The following PIK3R6 variants were observed in gnomAD, a reference collection of about 807,000 sequenced individuals.
PIK3R6 encodes phosphoinositide 3-kinase regulatory subunit 6.
A neutral mutation model predicts 84.9 loss-of-function variants in PIK3R6; 91 were observed. That is an observed-to-expected ratio of 1.07 (90% CI 0.90 to 1.28). The LOEUF (loss-of-function observed/expected upper bound fraction) is 1.28. Ranked by LOEUF, PIK3R6 falls within the 50% of genes most tolerant of loss-of-function variation. The pLI is 0.00. For synonymous variants in PIK3R6, 416 were observed against 411.4 expected (o/e 1.01, Z -0.13); for missense variants, 996 against 985.1 (o/e 1.01, Z -0.15).
intron 14 of PIK3R6, 38 bp downstream of exon 14, chr17:8,823,349 G>T: frequency 6.9e-7 from 1 of 1,448,846 alleles, no homozygotes; most frequent in Non-Finnish European, 9.6e-7. Context: ...AATCGGTGGG[G>T]TCCTGGGGTC....
At position 8,867,553 on chromosome 17, in the gene PIK3R6, C is replaced by T. The variant is rs761514744; in HGVS notation, c.-116G>A. On this transcript the variant is annotated 5_prime_UTR_variant, in exon 1 of 20. Transcript: ENST00000619866. ...CCTTGGTTCGGTGGCAGCTTCTGGG[C>T]TCCCCAAGTCCTTCAGCCAACTCCC... is the stretch of plus-strand genomic sequence containing the variant. The T allele has an allele frequency of 1.0e-5, 5 of 493,672 alleles. No homozygotes were observed. The highest frequency in any genetic ancestry group is 1.9e-5 in the African/African-American group (1 of 51,398). 30.6% of individuals were successfully genotyped at this position (493,672 alleles called of 1,614,324 possible).
At chr17:8,832,855 T>C (rs2088300613) in intron 9 of PIK3R6, 34 bp downstream of exon 9, 1 of 1,611,548 alleles carries the variant, frequency 6.2e-7, no homozygotes, top group Admixed American at 1.7e-5. Flanking sequence ...CCCGCGGGAC[T>C]CTTGCCAAGG....
chr17:8,841,905 G>T (rs1289817885), intron 2 of PIK3R6, among the ~76,000 whole-genome samples: 1 of 152,156 alleles, frequency 6.6e-6, no homozygotes, highest in East Asian at 1.9e-4. Context: ...TGGACGTGGG[G>T]CCTAATGGGA....
chr17:8,828,483 C>T (rs954530505), intron 11 of PIK3R6, 84 bp downstream of exon 11: 15 of 1,506,898 alleles, frequency 1.0e-5, no homozygotes, highest in Non-Finnish European at 8.9e-6. Context: ...TCTCTTGCCA[C>T]CCTGTGATCC....
At chr17:8,819,248 G>T (rs774699486) in intron 17 of PIK3R6, 50 bp from the exon 18 acceptor site, 1 of 1,363,774 alleles carries the variant, frequency 7.3e-7, no homozygotes, top group Admixed American at 2.1e-5. Flanking sequence ...AAGTAGGGGA[G>T]TTTGATATTC....
At chr17:8,830,455 G>A (rs139125642) in intron 9 of PIK3R6, among the ~76,000 whole-genome samples, 9 of 152,260 alleles carry the variant, frequency 5.9e-5, no homozygotes, top group East Asian at 1.9e-4. Context: ...ATTTGGCTCC[G>A]TATTCCCGTT....
Position 8,853,484 on chromosome 17 carries a change from CAAA to C in PIK3R6, c.-91-3602_-91-3600del, listed in dbSNP as rs56939877. Among the ~76,000 whole-genome samples the C allele has an allele frequency of 8.0e-3, 833 of 104,442 alleles. 14 individuals are homozygous for C. Among genetic ancestry groups the C allele is most frequent in the African/African-American group, 0.027 (780 of 29,282 alleles). 68.5% of individuals were successfully genotyped at this position (104,442 alleles called of 152,430 possible). A position where few individuals can be genotyped will look rare whatever the true frequency, so the allele number is the denominator to read the frequency against. On this transcript the variant is annotated intron_variant, in intron 1 of 19. Transcript: ENST00000619866. ...TGGGTGACAGAGCAAGACTCCATCT[CAAA>C]AAAAAAAAAAAATAATAATAATAAT...
intron 18 of PIK3R6, among the ~76,000 whole-genome samples, chr17:8,810,472 A>G (rs1468960563): frequency 2.0e-5 from 3 of 148,150 alleles, no homozygotes; most frequent in Non-Finnish European, 4.4e-5. Context: ...GTCTTAACTC[A>G]TTTCAGCATT....
At chr17:8,832,570 T>G (rs914253001) in intron 9 of PIK3R6, among the ~76,000 whole-genome samples, 5 of 136,692 alleles carry the variant, frequency 3.7e-5, no homozygotes, top group Non-Finnish European at 8.0e-5. Flanking sequence ...TTTTTGAGAC[T>G]AAACCCTCTA....
At chr17:8,867,482 T>G (rs1317528302) in intron 1 of PIK3R6, 47 bp downstream of exon 1, 1 of 358,672 alleles carries the variant, frequency 2.8e-6, no homozygotes, top group Non-Finnish European at 5.8e-6. Flanking sequence ...CTATCTGTTC[T>G]GCTCAGATCT....
intron 13 of PIK3R6, among the ~76,000 whole-genome samples, chr17:8,825,541 C>T (rs1334925417): frequency 6.6e-6 from 1 of 152,144 alleles, no homozygotes; most frequent in East Asian, 1.9e-4. Context: ...GTATCATGTA[C>T]TAAATACAAG....
chr17:8,835,261 C>A lies in PIK3R6; in HGVS notation c.645+12G>T, dbSNP rs778687991. 1.3e-6 allele frequency: 2 copies of A among 1,516,510 alleles called. No homozygotes were observed. Among genetic ancestry groups the A allele is most frequent in the Admixed American group, 2.0e-5 (1 of 51,068 alleles). The allele number at this position is 1,516,510 out of a possible 1,614,324, so 93.9% of individuals were successfully genotyped here. ...GCTGGGACTGACAAGGGGCTGCAGG[C>A]AGGGCCATTACCTGCAGCTTCCTGT... On this transcript the variant is annotated intron_variant, in intron 8 of 19. Coordinates refer to ENST00000619866, the MANE Select transcript of PIK3R6 (RefSeq NM_001010855.4).
Position 8,819,697 on chromosome 17 carries a change from C to T in PIK3R6, c.1880-499G>A, listed in dbSNP as rs1293353923. Among the ~76,000 whole-genome samples the T allele has an allele frequency of 8.4e-3, 1,170 of 138,554 alleles. 21 individuals carry two copies. Among genetic ancestry groups the T allele is most frequent in the African/African-American group, 0.031 (1,100 of 35,920 alleles). The allele number at this position is 138,554 out of a possible 152,430, so 90.9% of individuals were successfully genotyped here. ...ATATATATATATATATATACACACA[C>T]ACACACACACATATATATACATATA... is the stretch of plus-strand genomic sequence containing the variant. On this transcript the variant is annotated intron_variant, in intron 17 of 19. Transcript: ENST00000619866.
chr17:8,832,999 G>A lies in PIK3R6; in HGVS notation c.692C>T (p.Ala231Val), dbSNP rs760914627. ...CTCGCTGGCCATCTGCTCCAAGGCG[G>A]CCACCACGGCGTGGAAATAGTGCTC... Reference protein sequence around the residue: ...TLEHYFHAVVAALEQMASEAS... With the variant: ...TLEHYFHAVVVALEQMASEAS... The change falls in exon 9 of 20, where the codon GCC becomes GTC. Residue 231 changes from alanine (A) to valine (V), a missense_variant. Coordinates refer to ENST00000619866, the MANE Select transcript of PIK3R6 (RefSeq NM_001010855.4). 1 of 1,610,396 alleles carries A rather than the reference G, an allele frequency of 6.2e-7. No individual in the cohort carries two copies. The highest frequency in any genetic ancestry group is 1.7e-5 in the Admixed American group (1 of 59,890).
At position 8,819,184 on chromosome 17, in the gene PIK3R6, G is replaced by A; in HGVS notation, c.1894C>T (p.His632Tyr). The change falls in exon 18 of 20, where the codon CAT becomes TAT. Residue 632 changes from histidine to tyrosine, a missense_variant. Physicochemically the swap from His to Tyr is moderately conservative, Grantham distance 83. Coordinates refer to ENST00000619866, the MANE Select transcript of PIK3R6 (RefSeq NM_001010855.4). ...ACAGGAGCAGCAGGCAGGGGGCAAT[G>A]GCTAGACCCTGAAACTGAATGAGAT... ...ASDTEVSGSS[H>Y]CPLPAAPVTD... 6.2e-7 allele frequency: 1 copy of A among 1,607,324 alleles called. No homozygotes were observed. Among genetic ancestry groups the A allele is most frequent in the East Asian group, 2.2e-5 (1 of 44,808 alleles).
chr17:8,845,865 G>A (rs987546328), intron 2 of PIK3R6, among the ~76,000 whole-genome samples: 1 of 152,042 alleles, frequency 6.6e-6, no homozygotes, highest in South Asian at 2.1e-4. Flanking sequence ...TAAACCTGGG[G>A]GGTGGAGATT....
intron 1 of PIK3R6, among the ~76,000 whole-genome samples, chr17:8,861,024 G>A (rs1256151153): frequency 2.0e-5 from 3 of 151,936 alleles, no homozygotes; most frequent in Admixed American, 6.6e-5. Flanking sequence ...GTGAAACCCC[G>A]TCTCTACTAA....
At chr17:8,816,268 C>T (rs2087537185) in intron 18 of PIK3R6, among the ~76,000 whole-genome samples, 2 of 152,142 alleles carry the variant, frequency 1.3e-5, no homozygotes, top group African/African-American at 4.8e-5. Flanking sequence ...ATTAAACAGG[C>T]ATGCCATTTT....
intron 12 of PIK3R6, among the ~76,000 whole-genome samples, chr17:8,827,516 C>T (rs1003205538): frequency 2.0e-5 from 3 of 152,154 alleles, no homozygotes; most frequent in Admixed American, 6.5e-5. Context: ...AAATGATCAC[C>T]GACTTTAAAA....
Sources: gnomAD v4.1 joint callset for allele counts (sites outside exome capture counted in the v4.1 genomes callset) on GRCh38, gnomAD v4.1.1 for gene constraint, MANE v1.5 for transcripts, NCBI Gene and HGNC (gene_info 2026-07-23, HGNC 2026-07-21) for gene names.